TXNDC8: variants seen among roughly 807,000 people sequenced by gnomAD.
TXNDC8 encodes the protein thioredoxin domain-containing protein 8.
TXNDC8 carries 15 observed loss-of-function variants against 12.9 expected under a neutral mutation model. The ratio of observed to expected loss-of-function variants is 1.16; its 90% CI spans 0.78 to 1.79. The LOEUF is 1.79. Among genes scored for constraint, TXNDC8 ranks in the 40% most tolerant of loss-of-function variants. TXNDC8 has a pLI of 0.00. For missense variants in TXNDC8, 128 were observed against 113.2 expected (o/e 1.13, Z -0.59); for synonymous variants, 40 against 35.4 (o/e 1.13, Z -0.46).
At position 110,303,613 on chromosome 9, in the gene TXNDC8, T is replaced by G. The variant is rs1285680463; in HGVS notation, c.*69A>C. The G allele has an allele frequency of 8.3e-6, 13 of 1,569,962 alleles. No individual in the cohort carries two copies. The highest frequency in any genetic ancestry group is 2.3e-5 in the South Asian group (2 of 87,216). On this transcript the variant is annotated 3_prime_UTR_variant, in exon 5 of 5. Transcript: ENST00000423740. ...TCACAAATGCACAAAGGTGAAACAT[T>G]TATTGATTCAAGTGCTGCGAAAATG...
chr9:110,303,937 C>T lies in TXNDC8; in HGVS notation c.262-229G>A, dbSNP rs191537551. On this transcript the variant is annotated intron_variant, in intron 4 of 4. Coordinates refer to ENST00000423740, the MANE Select transcript of TXNDC8 (RefSeq NM_001286946.2). Reference sequence around the variant, plus strand: ...TATCGAGGATTTGTCAATTAATATACACAATCTTCTGAAATCAAATGGCTT... The same window carrying T: ...TATCGAGGATTTGTCAATTAATATATACAATCTTCTGAAATCAAATGGCTT... Among the ~76,000 whole-genome samples, 67 of 152,266 alleles carry T rather than the reference C, an allele frequency of 4.4e-4. No homozygotes were observed. In the East Asian group the frequency reaches 0.013, roughly 28 times the overall value.
intron 3 of TXNDC8, 50 bp downstream of exon 4, chr9:110,326,125 T>C: frequency 6.2e-7 from 1 of 1,601,806 alleles, no homozygotes; most frequent in South Asian, 1.1e-5. Flanking sequence ...TGAGGGACTC[T>C]GATGGTTCTA....
chr9:110,308,533 T>C (rs1364789043), intron 3 of TXNDC8, among the ~76,000 whole-genome samples: 1 of 152,126 alleles, frequency 6.6e-6, no homozygotes, highest in Admixed American at 6.5e-5. Flanking sequence ...TCTACCTGAC[T>C]TGCTCAAATC....
chr9:110,315,604 G>C (rs75892263), intron 3 of TXNDC8, among the ~76,000 whole-genome samples: 1 of 151,756 alleles, frequency 6.6e-6, no homozygotes, highest in Non-Finnish European at 1.5e-5. Context: ...ATGCAATTTT[G>C]GTTTTGATCT....
intron 1 of TXNDC8, among the ~76,000 whole-genome samples, chr9:110,335,790 A>G (rs1408823541): frequency 1.3e-5 from 2 of 152,156 alleles, no homozygotes; most frequent in Admixed American, 6.5e-5. Flanking sequence ...GAACATTAAG[A>G]GGAGGGGGAT....
chr9:110,310,081 C>G (rs1311540922), intron 3 of TXNDC8, among the ~76,000 whole-genome samples: 1 of 152,058 alleles, frequency 6.6e-6, no homozygotes, highest in Non-Finnish European at 1.5e-5. Flanking sequence ...CCTCTACTTG[C>G]CAGAGTTTAT....
chr9:110,337,693 A>G (rs1839811836), intron 1 of TXNDC8, 80 bp downstream of exon 1: 2 of 1,326,854 alleles, frequency 1.5e-6, no homozygotes, highest in South Asian at 1.2e-5. Flanking sequence ...GGATAGAGAG[A>G]ACACATTCTT....
Position 110,329,300 on chromosome 9 carries a change from T to C in TXNDC8, c.130-3060A>G. 1.3e-6 allele frequency: 2 copies of C among 1,596,798 alleles called. No homozygotes were observed. The highest frequency in any genetic ancestry group is 2.7e-5 in the African/African-American group (2 of 74,668). ...TATTTCACAGACATAGCCTTCAAAA[T>C]AAAAAATAAATATTTCCCATTAGTT... On this transcript the variant is annotated intron_variant, in intron 2 of 4. Coordinates refer to ENST00000423740, the MANE Select transcript of TXNDC8 (RefSeq NM_001286946.2).
intron 1 of TXNDC8, 47 bp downstream of exon 1, chr9:110,337,726 A>C: frequency 6.3e-7 from 1 of 1,588,616 alleles, no homozygotes; most frequent in Non-Finnish European, 8.6e-7. Flanking sequence ...ATCTGTTCCC[A>C]AGATGTCCAC....
chr9:110,316,217 G>A (rs1024079553), intron 3 of TXNDC8, among the ~76,000 whole-genome samples: 2 of 151,886 alleles, frequency 1.3e-5, no homozygotes, highest in African/African-American at 4.8e-5. Context: ...TGCCTGGCCT[G>A]TACAATATAA....
intron 1 of TXNDC8, among the ~76,000 whole-genome samples, chr9:110,334,540 G>A (rs950309150): frequency 6.6e-6 from 1 of 151,958 alleles, no homozygotes; most frequent in Admixed American, 6.6e-5. Context: ...CACCTTATCT[G>A]GCCATGTTAG....
intron 2 of TXNDC8, chr9:110,329,250 C>T (rs1311750010): frequency 6.2e-7 from 1 of 1,611,598 alleles, no homozygotes; most frequent in African/African-American, 1.3e-5. Flanking sequence ...TGTTCACATC[C>T]ACATTAGCAA....
chr9:110,331,842 G>A (rs771910552), intron 2 of TXNDC8, among the ~76,000 whole-genome samples: 7 of 152,272 alleles, frequency 4.6e-5, no homozygotes, highest in South Asian at 2.1e-4. Context: ...CTCGCTGGCC[G>A]CTCACCTCCT....
chr9:110,318,663 G>A (rs1335260939), intron 3 of TXNDC8, among the ~76,000 whole-genome samples: 1 of 152,046 alleles, frequency 6.6e-6, no homozygotes, highest in Admixed American at 6.5e-5. Flanking sequence ...GCGTGAAGCC[G>A]GGAGGCGGAG....
chr9:110,324,308 T>C (rs899406146), intron 3 of TXNDC8, among the ~76,000 whole-genome samples: 2 of 152,224 alleles, frequency 1.3e-5, no homozygotes, highest in Non-Finnish European at 2.9e-5. Context: ...GAGCATATGT[T>C]AAATAACTTT....
At chr9:110,327,851 A>G (rs1045759532) in intron 2 of TXNDC8, among the ~76,000 whole-genome samples, 5 of 152,176 alleles carry the variant, frequency 3.3e-5, no homozygotes, top group African/African-American at 1.2e-4. Context: ...TAGAGTGATG[A>G]AAGTGTTCTA....
At chr9:110,329,924 AGGGGAGGAG>A (rs1158026615) in intron 2 of TXNDC8, among the ~76,000 whole-genome samples, 1 of 152,164 alleles carries the variant, frequency 6.6e-6, no homozygotes, top group Non-Finnish European at 1.5e-5. Context: ...AGGAAATGGA[AGGGGAGGAG>A]GGAAGAAGTA....
At chr9:110,312,073 G>A (rs537521890) in intron 3 of TXNDC8, among the ~76,000 whole-genome samples, 21 of 151,740 alleles carry the variant, frequency 1.4e-4, no homozygotes, top group African/African-American at 4.8e-4. Flanking sequence ...AAAAAAAACC[G>A]AAGTAATATT....
chr9:110,332,073 C>A (rs886745919), intron 2 of TXNDC8, among the ~76,000 whole-genome samples: 2 of 152,200 alleles, frequency 1.3e-5, no homozygotes, highest in African/African-American at 4.8e-5. Context: ...AGAATCTCCA[C>A]AGGTGGGTCT....
Sources: allele counts gnomAD v4.1 joint callset (sites outside exome capture counted in the v4.1 genomes callset), GRCh38; gene constraint gnomAD v4.1.1; transcripts MANE v1.5; gene names NCBI Gene and HGNC (gene_info 2026-07-23, HGNC 2026-07-21).